Variants in ELL observed in about 807,000 individuals in gnomAD.
ELL encodes RNA polymerase II elongation factor ELL.
In ELL, 18 loss-of-function variants were observed where a neutral mutation model predicts 64.0. The observed-to-expected ratio is 0.28, with a 90% CI of 0.19 to 0.42. ELL has a LOEUF of 0.42. Among genes scored for constraint, ELL ranks in the 10% least tolerant of loss-of-function variants. ELL has a pLI of 1.00. For missense variants in ELL, 797 were observed against 870.4 expected, an observed-to-expected ratio of 0.92 and a Z score of 1.06; for synonymous variants, 399 against 376.2, an observed-to-expected ratio of 1.06 and a Z score of -0.70.
chr19:18,494,015 C>A (rs773988898), intron 1 of ELL, among the ~76,000 whole-genome samples: 4 of 152,214 alleles, frequency 2.6e-5, no homozygotes, highest in Non-Finnish European at 5.9e-5. Flanking sequence ...CAGGTCCACA[C>A]AGACCAGAGG....
At chr19:18,517,591 T>C (rs1207916924) in intron 1 of ELL, among the ~76,000 whole-genome samples, 1 of 151,956 alleles carries the variant, frequency 6.6e-6, no homozygotes, top group South Asian at 2.1e-4. Flanking sequence ...AACAGACACG[T>C]AGTTCATGCC....
intron 1 of ELL, among the ~76,000 whole-genome samples, chr19:18,500,626 G>A (rs188734357): frequency 6.6e-6 from 1 of 152,302 alleles, no homozygotes; most frequent in Admixed American, 6.5e-5. Context: ...TGGTCCCCTG[G>A]GAAGGTCGGC....
At chr19:18,474,687 G>A (rs959431375) in intron 1 of ELL, among the ~76,000 whole-genome samples, 2 of 152,226 alleles carry the variant, frequency 1.3e-5, no homozygotes, top group African/African-American at 2.4e-5. Flanking sequence ...CGACAAGGGG[G>A]GCTCGTCTAG....
Position 18,444,717 on chromosome 19 carries a change from C to T in ELL, c.*35G>A, listed in dbSNP as rs530881268. On this transcript the variant is annotated 3_prime_UTR_variant, in exon 12 of 12. Transcript: ENST00000262809. ...CCTCTCTCACCGCCTTTTGCTCCCC[C>T]GACCCTCCCAGATCCCCGCCATCGG... The T allele has an allele frequency of 9.0e-6, 14 of 1,562,950 alleles. No homozygotes were observed. Among genetic ancestry groups the T allele is most frequent in the South Asian group, 6.8e-5 (6 of 88,420 alleles).
chr19:18,509,657 A>T (rs965030267), intron 1 of ELL, among the ~76,000 whole-genome samples: 14 of 111,586 alleles, frequency 1.3e-4, no homozygotes, highest in South Asian at 3.3e-4. Flanking sequence ...ACACACACAC[A>T]CTCCCCTCCC....
intron 1 of ELL, among the ~76,000 whole-genome samples, chr19:18,488,385 G>A (rs757465127): frequency 5.9e-5 from 9 of 152,206 alleles, no homozygotes; most frequent in Admixed American, 1.3e-4. Flanking sequence ...CAGGAAGCAC[G>A]TGGCACTGCC....
At chr19:18,505,533 C>T (rs1346491166) in intron 1 of ELL, among the ~76,000 whole-genome samples, 2 of 152,188 alleles carry the variant, frequency 1.3e-5, no homozygotes, top group Admixed American at 1.3e-4. Flanking sequence ...GGTTTTGGTG[C>T]TTCAACAGCC....
intron 10 of ELL, among the ~76,000 whole-genome samples, chr19:18,445,619 C>T (rs1974397197): frequency 6.6e-6 from 1 of 152,060 alleles, no homozygotes; most frequent in Non-Finnish European, 1.5e-5. Flanking sequence ...CCGTGGCTCG[C>T]AGCCCCTAGA....
chr19:18,450,559 C>T lies in ELL; in HGVS notation c.1383G>A (p.Ala461=), dbSNP rs764296120. ...GCTGGGCCCGGGGCTTGTCCTCAGCCGCCCTCTCCTTGTCTTTGTGCTTCT... is the reference window on the plus strand; with the variant it reads ...GCTGGGCCCGGGGCTTGTCCTCAGCTGCCCTCTCCTTGTCTTTGTGCTTCT... The part of the protein sequence containing the change: ...KSKKHKDKER[A]AEDKPRAQLP... The change falls in exon 8 of 12, where the codon GCG becomes GCA. Residue 461 remains alanine (A), a synonymous_variant. Transcript: ENST00000262809. 5 of 1,612,976 alleles carry T rather than the reference C, an allele frequency of 3.1e-6. No homozygotes were observed. The highest frequency in any genetic ancestry group is 2.2e-5 in the East Asian group (1 of 44,864).
intron 1 of ELL, among the ~76,000 whole-genome samples, chr19:18,521,193 C>A (rs1269979745): frequency 6.6e-6 from 1 of 152,084 alleles, no homozygotes; most frequent in South Asian, 2.1e-4. Context: ...AACATCACAG[C>A]CGCCCCCAAC....
At chr19:18,499,587 G>A (rs934106939) in intron 1 of ELL, among the ~76,000 whole-genome samples, 4 of 152,222 alleles carry the variant, frequency 2.6e-5, no homozygotes, top group Admixed American at 2.0e-4. Flanking sequence ...TCAGCCCACC[G>A]TGTGGCTGTG....
chr19:18,502,311 C>T (rs1171885133), intron 1 of ELL, among the ~76,000 whole-genome samples: 2 of 152,086 alleles, frequency 1.3e-5, no homozygotes, highest in Non-Finnish European at 2.9e-5. Context: ...CACAAAGGCT[C>T]CCTGGAGCCA....
rs953375093 is a variant in ELL at position 18,457,758 on chromosome 19, C to T, written c.869+447G>A. Among the ~76,000 whole-genome samples, 22 of 152,304 alleles carry T rather than the reference C, an allele frequency of 1.4e-4. 1 individual carries two copies. The highest frequency in any genetic ancestry group is 5.3e-4 in the African/African-American group (22 of 41,556). ...GAGGGGATGCATTTAATTAACGCTG[C>T]TTAATGACGCCTGCCCTGCCGGGAG... On this transcript the variant is annotated intron_variant, in intron 6 of 11. Coordinates refer to ENST00000262809, the MANE Select transcript of ELL (RefSeq NM_006532.4).
At chr19:18,516,654 A>G (rs1976137924) in intron 1 of ELL, among the ~76,000 whole-genome samples, 1 of 152,138 alleles carries the variant, frequency 6.6e-6, no homozygotes, top group Admixed American at 6.5e-5. Flanking sequence ...ACCTCCAGGC[A>G]GGGACCAGCC....
At chr19:18,465,724 T>G in intron 3 of ELL, 73 bp downstream of exon 3, 1 of 1,443,934 alleles carries the variant, frequency 6.9e-7, no homozygotes, top group Non-Finnish European at 9.2e-7. Flanking sequence ...GGGGCACATC[T>G]CAACCCTGGG....
At position 18,501,997 on chromosome 19, in the gene ELL, G is replaced by C. The variant is rs1463050993; in HGVS notation, c.135+19924C>G. Among the ~76,000 whole-genome samples the C allele has an allele frequency of 6.6e-6, 1 of 152,148 alleles. No individual in the cohort carries two copies. Among genetic ancestry groups the C allele is most frequent in the Non-Finnish European group, 1.5e-5 (1 of 68,026 alleles). ...GGTGGTTTGGGGTCAGAAGACACACGATCAGGAACCAGGCGTCACCCCCAG... is the reference window on the plus strand; with the variant it reads ...GGTGGTTTGGGGTCAGAAGACACACCATCAGGAACCAGGCGTCACCCCCAG... On this transcript the variant is annotated intron_variant, in intron 1 of 11. Coordinates refer to ENST00000262809, the MANE Select transcript of ELL (RefSeq NM_006532.4). The surrounding 1 kb of genome is among the most constrained non-coding windows in gnomAD (Gnocchi z 4.5).
intron 1 of ELL, among the ~76,000 whole-genome samples, chr19:18,495,819 T>C (rs1170551418): frequency 6.6e-6 from 1 of 152,190 alleles, no homozygotes; most frequent in Non-Finnish European, 1.5e-5. Context: ...AGACCTGGGC[T>C]GTAGGGGAGA....
intron 6 of ELL, 152 bp downstream of exon 6, chr19:18,458,053 G>A (rs1974719708): frequency 7.2e-7 from 1 of 1,389,054 alleles, no homozygotes; most frequent in Non-Finnish European, 9.6e-7. Flanking sequence ...GCAGTAGGGA[G>A]GATGGCCAGA....
intron 1 of ELL, among the ~76,000 whole-genome samples, chr19:18,486,831 T>C (rs577780624): frequency 3.3e-5 from 5 of 152,154 alleles, no homozygotes; most frequent in Non-Finnish European, 7.4e-5. Flanking sequence ...GCAAGGGTGC[T>C]CTTAGGTCCC....
Sources: gnomAD v4.1 joint callset for allele counts (sites outside exome capture counted in the v4.1 genomes callset) on GRCh38, gnomAD v4.1.1 for gene constraint, Gnocchi (gnomAD v3.1) non-coding constraint, MANE v1.5 for transcripts, NCBI Gene and HGNC (gene_info 2026-07-23, HGNC 2026-07-21) for gene names.